The following HS1BP3 variants were observed in gnomAD, a reference collection of about 807,000 sequenced individuals.
HS1BP3 encodes HCLS1-binding protein 3.
HS1BP3 carries 32 observed loss-of-function variants against 33.5 expected under a neutral mutation model. That is an observed-to-expected ratio of 0.95 (90% CI 0.72 to 1.28). HS1BP3 has a LOEUF of 1.28. HS1BP3 is among the 50% of genes most tolerant of loss of function. HS1BP3 has a pLI of 0.00. For missense variants in HS1BP3, 486 were observed against 502.3 expected (o/e 0.97, Z 0.31); for synonymous variants, 187 against 209.2 (o/e 0.89, Z 0.92).
chr2:20,564,305 CAG>C (rs1330364618), intron 5 of HS1BP3, among the ~76,000 whole-genome samples: 5 of 152,234 alleles, frequency 3.3e-5, no homozygotes, highest in East Asian at 3.8e-4. Context: ...GTGACTCCGA[CAG>C]AGACTCCATC....
At chr2:20,593,931 C>T (rs1558326890) in intron 3 of HS1BP3, among the ~76,000 whole-genome samples, 1 of 152,232 alleles carries the variant, frequency 6.6e-6, no homozygotes, top group Non-Finnish European at 1.5e-5. Flanking sequence ...TCCCCTAAAA[C>T]TTCCCTGATG....
chr2:20,650,263 A>C (rs934812087), intron 1 of HS1BP3, among the ~76,000 whole-genome samples: 3 of 152,088 alleles, frequency 2.0e-5, no homozygotes, highest in Admixed American at 6.6e-5. Context: ...TAGGGAGAGC[A>C]AGGGTGAAGT....
intron 4 of HS1BP3, chr2:20,637,657 G>C (rs781305270): frequency 6.6e-6 from 1 of 152,246 alleles, no homozygotes; most frequent in Non-Finnish European, 1.5e-5. Flanking sequence ...TTTTAGGAGA[G>C]AATTCTACAT....
At chr2:20,609,979 C>T (rs978517439) in intron 2 of HS1BP3, among the ~76,000 whole-genome samples, 1 of 152,192 alleles carries the variant, frequency 6.6e-6, no homozygotes, top group South Asian at 2.1e-4. Flanking sequence ...TCTGGGGATA[C>T]CAGGTATCTT....
At chr2:20,650,679 T>C (rs35317129) in intron 1 of HS1BP3, among the ~76,000 whole-genome samples, 63,771 of 152,048 alleles carry the variant, frequency 0.42, 13,887 homozygotes, top group Non-Finnish European at 0.48. Flanking sequence ...CAGGGAGCTC[T>C]GAAAGGATGG....
chr2:20,577,710 G>A (rs760430878), intron 5 of HS1BP3, among the ~76,000 whole-genome samples: 6 of 152,190 alleles, frequency 3.9e-5, no homozygotes, highest in Non-Finnish European at 8.8e-5. Flanking sequence ...AACTCAGGCC[G>A]GGTGCATGAG....
At chr2:20,566,104 A>C (rs1465502723) in intron 5 of HS1BP3, among the ~76,000 whole-genome samples, 1 of 152,234 alleles carries the variant, frequency 6.6e-6, no homozygotes, top group African/African-American at 2.4e-5. Context: ...TTCCCAGGAC[A>C]GGAGGCTCTG....
intron 5 of HS1BP3, among the ~76,000 whole-genome samples, chr2:20,582,585 A>T (rs1364980735): frequency 6.6e-6 from 1 of 152,030 alleles, no homozygotes; most frequent in Non-Finnish European, 1.5e-5. Context: ...ATGTCAGCCC[A>T]TTACATCATG....
At chr2:20,575,444 C>T (rs1693375700) in intron 5 of HS1BP3, among the ~76,000 whole-genome samples, 1 of 152,264 alleles carries the variant, frequency 6.6e-6, no homozygotes, top group South Asian at 2.1e-4. Context: ...CCACCCCTTC[C>T]TCTCTAGCTC....
At chr2:20,562,089 A>G (rs2149269604) in intron 5 of HS1BP3, among the ~76,000 whole-genome samples, 1 of 152,312 alleles carries the variant, frequency 6.6e-6, no homozygotes, top group African/African-American at 2.4e-5. Context: ...GCACCCGGAC[A>G]AGGCATGGAG....
chr2:20,593,087 C>T (rs1297014617), intron 3 of HS1BP3, among the ~76,000 whole-genome samples: 2 of 151,932 alleles, frequency 1.3e-5, no homozygotes, highest in Non-Finnish European at 2.9e-5. Flanking sequence ...AGCCCTGTCC[C>T]CCCACTGTCC....
intron 5 of HS1BP3, 66 bp from the exon 6 acceptor site, chr2:20,624,097 TC>T: frequency 6.4e-7 from 1 of 1,564,742 alleles, no homozygotes; most frequent in Non-Finnish European, 8.6e-7. Flanking sequence ...GGCTGCTCTC[TC>T]TCTGCCCCAC....
At chr2:20,557,526 T>C (rs13422384), downstream of HS1BP3, among the ~76,000 whole-genome samples, 6,355 of 152,286 alleles carry the variant, frequency 0.042, 423 homozygotes, top group African/African-American at 0.14. Context: ...ATGAACTCTT[T>C]GTCATGTTGA....
chr2:20,559,582 G>T (rs980478558), downstream of HS1BP3, among the ~76,000 whole-genome samples: 1 of 151,738 alleles, frequency 6.6e-6, no homozygotes, highest in Non-Finnish European at 1.5e-5. Flanking sequence ...GTGGATGCAT[G>T]GATGGATAGG....
chr2:20,650,992 C>T, intron 1 of HS1BP3, 40 bp downstream of exon 1: 1 of 1,233,118 alleles, frequency 8.1e-7, no homozygotes, highest in Non-Finnish European at 1.0e-6. Flanking sequence ...GCGCCCCGGA[C>T]TGCGAGCTGT....
intron 5 of HS1BP3, among the ~76,000 whole-genome samples, chr2:20,565,912 T>C (rs1200018262): frequency 2.0e-5 from 3 of 152,172 alleles, no homozygotes; most frequent in Non-Finnish European, 4.4e-5. Context: ...AAGGCTTCCA[T>C]GGAAAAAGAA....
intron 2 of HS1BP3, among the ~76,000 whole-genome samples, chr2:20,606,126 A>T (rs1694171741): frequency 1.3e-5 from 2 of 152,332 alleles, no homozygotes; most frequent in South Asian, 4.1e-4. Context: ...TCTTTCAAAA[A>T]AAAAAAATTC....
At chr2:20,598,801 G>A (rs1402522561) in intron 2 of HS1BP3, among the ~76,000 whole-genome samples, 1 of 151,832 alleles carries the variant, frequency 6.6e-6, no homozygotes, top group African/African-American at 2.4e-5. Flanking sequence ...CTCGTGATCC[G>A]CCCGCCTCGG....
chr2:20,607,773 C>T (rs1391971558), intron 2 of HS1BP3, among the ~76,000 whole-genome samples: 2 of 152,164 alleles, frequency 1.3e-5, no homozygotes, highest in Non-Finnish European at 2.9e-5. Context: ...ATTAGCTTTT[C>T]CATTTCTGTA....
Sources: gnomAD v4.1 joint callset for allele counts (sites outside exome capture counted in the v4.1 genomes callset) on GRCh38, gnomAD v4.1.1 for gene constraint, MANE v1.5 for transcripts, NCBI Gene and HGNC (gene_info 2026-07-23, HGNC 2026-07-21) for gene names.